CDYL: variants seen among roughly 807,000 people sequenced by gnomAD.
CDYL encodes the protein chromodomain Y like.
Under a neutral mutation model 47.3 loss-of-function variants are expected in CDYL, and 8 were observed. The ratio of observed to expected loss-of-function variants is 0.17; its 90% CI spans 0.10 to 0.31. The LOEUF (loss-of-function observed/expected upper bound fraction) is 0.31, where lower values mean the gene tolerates loss of function less well. CDYL is among the 10% of genes least tolerant of loss of function. CDYL has a pLI of 1.00. For missense variants in CDYL, 471 were observed against 701.4 expected (o/e 0.67, Z 3.71); for synonymous variants, 266 against 265.0 (o/e 1.00, Z -0.04).
chr6:4,945,787 T>G (rs1758495531), intron 5 of CDYL, among the ~76,000 whole-genome samples: 1 of 152,248 alleles, frequency 6.6e-6, no homozygotes, highest in Admixed American at 6.5e-5. Flanking sequence ...AGGTGCTATA[T>G]GTGACTTAGC....
chr6:4,733,851 C>CTTTTTTTTTTTTTTTTTTTT (rs3054896), intron 2 of CDYL, among the ~76,000 whole-genome samples: 1 of 131,898 alleles, frequency 7.6e-6, no homozygotes, highest in African/African-American at 2.8e-5. Context: ...TTTTCTTCTT[C>CTTTTTTTTTTTTTTTTTTTT]TTTTTTTTTT....
chr6:4,782,515 T>G (rs1337185325), intron 1 of CDYL, among the ~76,000 whole-genome samples: 1 of 152,262 alleles, frequency 6.6e-6, no homozygotes, highest in South Asian at 2.1e-4. Flanking sequence ...TTTCACTGTT[T>G]CCCACACAAA....
chr6:4,834,443 G>A (rs1378746222), intron 1 of CDYL, among the ~76,000 whole-genome samples: 5 of 148,090 alleles, frequency 3.4e-5, no homozygotes, highest in South Asian at 2.2e-4. Flanking sequence ...CGAGAGATCC[G>A]CTGTTAGTCT....
intron 2 of CDYL, among the ~76,000 whole-genome samples, chr6:4,905,696 A>G (rs977784036): frequency 2.0e-5 from 3 of 152,250 alleles, no homozygotes; most frequent in Non-Finnish European, 4.4e-5. Context: ...GGCTTTCTGC[A>G]TGCTGCACGC....
chr6:4,888,133 A>C (rs1761947503), intron 1 of CDYL, among the ~76,000 whole-genome samples: 2 of 152,138 alleles, frequency 1.3e-5, no homozygotes, highest in African/African-American at 4.8e-5. Flanking sequence ...TTCATAAAAG[A>C]GGTATAGGTC....
At chr6:4,815,674 T>C (rs1440389773) in intron 1 of CDYL, among the ~76,000 whole-genome samples, 2 of 96,974 alleles carry the variant, frequency 2.1e-5, no homozygotes, top group Non-Finnish European at 2.0e-5. Flanking sequence ...GAGATTTCAC[T>C]TTTTTTTTTT....
chr6:4,890,416 G>T (rs1198271396), intron 1 of CDYL, among the ~76,000 whole-genome samples: 2 of 151,772 alleles, frequency 1.3e-5, no homozygotes, highest in African/African-American at 4.8e-5. Context: ...GTGGAGATCT[G>T]TCAGACGTGA....
chr6:4,720,898 TCATTTAATAAA>T (rs1307395942), intron 2 of CDYL, among the ~76,000 whole-genome samples: 13 of 152,200 alleles, frequency 8.5e-5, no homozygotes, highest in African/African-American at 3.1e-4. Flanking sequence ...GTTAATATTA[TCATTTAATAAA>T]CATATTGCTA....
intron 2 of CDYL, among the ~76,000 whole-genome samples, chr6:4,926,473 G>T (rs972053941): frequency 2.8e-5 from 4 of 143,724 alleles, no homozygotes; most frequent in African/African-American, 8.3e-5. Flanking sequence ...TTTTGCAGTT[G>T]AGACCCTTCT....
chr6:4,893,694 C>CA (rs760685131), intron 2 of CDYL, among the ~76,000 whole-genome samples: 2,242 of 103,230 alleles, frequency 0.022, 21 homozygotes, highest in Non-Finnish European at 0.028. Context: ...CTCCGTCTCC[C>CA]AAAAAAAAAA....
At chr6:4,855,498 T>G (rs917479164) in intron 1 of CDYL, among the ~76,000 whole-genome samples, 2 of 152,160 alleles carry the variant, frequency 1.3e-5, no homozygotes, top group Non-Finnish European at 2.9e-5. Flanking sequence ...CAGGGTCCCT[T>G]CTGGAATGTG....
chr6:4,860,924 C>T (rs1453013382), intron 1 of CDYL, among the ~76,000 whole-genome samples: 1 of 150,562 alleles, frequency 6.6e-6, no homozygotes, highest in East Asian at 2.0e-4. Context: ...ATCTGCCTTC[C>T]CTAGCCCACT....
intron 1 of CDYL, among the ~76,000 whole-genome samples, chr6:4,863,177 G>C (rs776246379): frequency 1.5e-4 from 23 of 152,066 alleles, no homozygotes; most frequent in Non-Finnish European, 2.8e-4. Flanking sequence ...AGATAGGAGC[G>C]GTAAACACTG....
chr6:4,854,427 G>C (rs1760944874), intron 1 of CDYL, among the ~76,000 whole-genome samples: 1 of 152,168 alleles, frequency 6.6e-6, no homozygotes, highest in Non-Finnish European at 1.5e-5. Context: ...CCAGCACAAA[G>C]GACTGTGTAC....
chr6:4,729,172 C>T (rs953195641), intron 2 of CDYL, among the ~76,000 whole-genome samples: 1 of 152,142 alleles, frequency 6.6e-6, no homozygotes, highest in African/African-American at 2.4e-5. Flanking sequence ...ATTCCCTCTT[C>T]TCCAAACACA....
chr6:4,799,474 A>G (rs1026021643), intron 1 of CDYL, among the ~76,000 whole-genome samples: 1 of 151,830 alleles, frequency 6.6e-6, no homozygotes, highest in African/African-American at 2.4e-5. Context: ...TTTTTAGGCA[A>G]GGTCTCACTC....
chr6:4,943,394 G>A (rs570026812), intron 4 of CDYL, 152 bp from the exon 5 acceptor site: 1 of 618,246 alleles, frequency 1.6e-6, no homozygotes, highest in East Asian at 2.8e-5. Flanking sequence ...TAAGTCTAGG[G>A]TCCACAACTG....
Position 4,953,961 on chromosome 6 carries a change from G to A in CDYL, c.1540G>A (p.Glu514Lys), listed in dbSNP as rs748790925. The A allele has an allele frequency of 2.5e-6, 4 of 1,614,132 alleles. No homozygotes were observed. Among genetic ancestry groups the A allele is most frequent in the Non-Finnish European group, 3.4e-6 (4 of 1,180,018 alleles). Residue 514 changes from glutamate (E) to lysine (K), a missense_variant, in exon 7 of 7, where the codon GAG (glutamate) becomes AAG (lysine). Glu to Lys is a moderately conservative substitution (Grantham distance 56, BLOSUM62 1). This residue lies in a region of CDYL where 57 missense variants were observed against 74.3 expected (regional missense o/e 0.77). Coordinates refer to ENST00000397588, the MANE Select transcript of CDYL (RefSeq NM_004824.4). ...GAAGATGGAGCTGGAGCAGGCCAAC[G>A]AGAGGGAGTGTGAGGTGCTGAAGAA... is the stretch of plus-strand genomic sequence containing the variant. ...NMKMELEQANERECEVLKKIW... is the reference protein window; with the variant it reads ...NMKMELEQANKRECEVLKKIW...
chr6:4,928,377 A>T (rs924049220), intron 2 of CDYL, among the ~76,000 whole-genome samples: 2 of 152,106 alleles, frequency 1.3e-5, no homozygotes, highest in Non-Finnish European at 2.9e-5. Flanking sequence ...GTTCAGGATT[A>T]TGGATGTTTT....
Sources: gnomAD v4.1 joint callset for allele counts (sites outside exome capture counted in the v4.1 genomes callset) on GRCh38, gnomAD v4.1.1 for gene constraint, gnomAD v4.1.1 regional missense constraint, MANE v1.5 for transcripts, NCBI Gene and HGNC (gene_info 2026-07-23, HGNC 2026-07-21) for gene names.